Variants in SLBP observed in about 807,000 individuals in gnomAD.
The protein encoded by SLBP is stem-loop histone mRNA binding protein, also known as histone RNA hairpin-binding protein.
SLBP carries 29 observed loss-of-function variants against 39.2 expected under a neutral mutation model. That is an observed-to-expected ratio of 0.74 (90% CI 0.55 to 1.01). SLBP has a LOEUF of 1.01. SLBP is among the 50% of genes least tolerant of loss of function. The pLI is 0.00. For missense variants in SLBP, 390 were observed against 350.2 expected, an observed-to-expected ratio of 1.11 and a Z score of -0.91; for synonymous variants, 129 against 118.7, an observed-to-expected ratio of 1.09 and a Z score of -0.57.
chr4:1,694,008 G>A (rs557910768), intron 7 of SLBP, among the ~76,000 whole-genome samples: 2 of 152,212 alleles, frequency 1.3e-5, no homozygotes, highest in Non-Finnish European at 2.9e-5. Context: ...AGAAAGAATT[G>A]TAAAAGCCTA....
chr4:1,711,892 G>A lies in SLBP; in HGVS notation c.158C>T (p.Ala53Val). The A allele has an allele frequency of 7.3e-7, 1 of 1,362,814 alleles. No individual in the cohort carries two copies. Among genetic ancestry groups the A allele is most frequent in the Non-Finnish European group, 9.5e-7 (1 of 1,056,880 alleles). 84.4% of individuals were successfully genotyped at this position (1,362,814 alleles called of 1,614,324 possible). ...EDAEEAEHRG[A>V]ERRPESFTTP... ...CGCCCACCTCTCGGGTCTGCGCTCG[G>A]CGCCGCGGTGCTCTGCCTCCTCGGC... is the stretch of plus-strand genomic sequence containing the variant. The change falls in exon 2 of 8, where the codon GCC becomes GTC. Residue 53 changes from alanine to valine, a missense_variant. By Grantham distance (64) the Ala-to-Val change is moderately conservative. Coordinates refer to ENST00000489418, the MANE Select transcript of SLBP (RefSeq NM_006527.4).
intron 2 of SLBP, among the ~76,000 whole-genome samples, chr4:1,704,758 TATA>T (rs2108662472): frequency 6.6e-6 from 1 of 152,268 alleles, no homozygotes; most frequent in African/African-American, 2.4e-5. Flanking sequence ...CCTGTATCCA[TATA>T]ATAAAAGTGC....
intron 2 of SLBP, among the ~76,000 whole-genome samples, chr4:1,704,551 G>A (rs556203253): frequency 5.3e-5 from 8 of 152,200 alleles, no homozygotes; most frequent in East Asian, 1.9e-4. Flanking sequence ...AACAAAGCCC[G>A]AGTTTCACAG....
At chr4:1,700,645 A>T (rs1014861848) in intron 3 of SLBP, among the ~76,000 whole-genome samples, 1 of 151,882 alleles carries the variant, frequency 6.6e-6, no homozygotes, top group African/African-American at 2.4e-5. Flanking sequence ...CCACAGCCTC[A>T]TATTCCTGGG....
chr4:1,700,627 A>C (rs1716289942), intron 3 of SLBP, among the ~76,000 whole-genome samples: 1 of 151,968 alleles, frequency 6.6e-6, no homozygotes, highest in African/African-American at 2.4e-5. Context: ...TAGCACGATC[A>C]TGGCTTACCA....
intron 2 of SLBP, among the ~76,000 whole-genome samples, chr4:1,704,803 G>T (rs1236669186): frequency 6.6e-6 from 1 of 152,190 alleles, no homozygotes; most frequent in Admixed American, 6.5e-5. Flanking sequence ...TATCTGGCCA[G>T]TGTAGACTCC....
chr4:1,709,958 G>A (rs928554422), intron 2 of SLBP, among the ~76,000 whole-genome samples: 10 of 151,530 alleles, frequency 6.6e-5, no homozygotes, highest in South Asian at 2.1e-4. Flanking sequence ...CCGCAACTCC[G>A]GGCCTTTTGC....
At chr4:1,708,129 T>C (rs1471643832) in intron 2 of SLBP, among the ~76,000 whole-genome samples, 1 of 149,780 alleles carries the variant, frequency 6.7e-6, no homozygotes, top group African/African-American at 2.5e-5. Flanking sequence ...GGCGCATGCC[T>C]GTAGTCCCAG....
intron 6 of SLBP, among the ~76,000 whole-genome samples, chr4:1,695,744 G>A (rs1716081847): frequency 6.6e-6 from 1 of 151,630 alleles, no homozygotes; most frequent in South Asian, 2.1e-4. Flanking sequence ...TCACGCCACT[G>A]CACTCCAGCC....
At chr4:1,696,792 G>C (rs1716121596) in intron 5 of SLBP, among the ~76,000 whole-genome samples, 1 of 151,822 alleles carries the variant, frequency 6.6e-6, no homozygotes, top group Non-Finnish European at 1.5e-5. Context: ...TAGCTATTAG[G>C]GGGCTGAGGG....
rs538494249 is a variant in SLBP at position 1,711,407 on chromosome 4, G to A, written c.176+467C>T. Among the ~76,000 whole-genome samples, 22 of 152,148 alleles carry A rather than the reference G, an allele frequency of 1.4e-4. No homozygotes were observed. In the East Asian group the frequency reaches 3.9e-3, roughly 27 times the overall value. On this transcript the variant is annotated intron_variant, in intron 2 of 7. Transcript: ENST00000489418. Reference sequence around the variant, plus strand: ...CGCCACTACGACCACTGGCACCCCTGCTTATTTCCTCCAGACCCTCCTCGG... The same window carrying A: ...CGCCACTACGACCACTGGCACCCCTACTTATTTCCTCCAGACCCTCCTCGG...
chr4:1,693,677 T>A lies in SLBP; in HGVS notation c.733A>T (p.Met245Leu). The A allele has an allele frequency of 1.9e-6, 3 of 1,613,792 alleles. No individual in the cohort carries two copies. The highest frequency in any genetic ancestry group is 2.5e-6 in the Non-Finnish European group (3 of 1,179,674). The change falls in exon 8 of 8, where the codon ATG (methionine) becomes TTG (leucine). Residue 245 changes from methionine (M) to leucine (L), a missense_variant. Physicochemically the swap from Met to Leu is conservative, Grantham distance 15. Transcript: ENST00000489418. ...AACTCATCCTCCACTTGACTGTCCA[T>A]GTGTCTCACCTTGGTGGGTGTGCCA... ...YSGTPTKVRH[M>L]DSQVEDEFDL...
chr4:1,708,899 A>G (rs1025823756), intron 2 of SLBP, among the ~76,000 whole-genome samples: 3 of 152,242 alleles, frequency 2.0e-5, no homozygotes, highest in African/African-American at 7.2e-5. Context: ...TGAGGACACC[A>G]AAAACTTCCA....
intron 2 of SLBP, among the ~76,000 whole-genome samples, chr4:1,709,949 C>G (rs916673045): frequency 2.0e-5 from 3 of 151,814 alleles, no homozygotes; most frequent in Non-Finnish European, 2.9e-5. Context: ...GTGTGGAGAC[C>G]GCAACTCCGG....
chr4:1,700,229 T>TACTTCAACCACC, intron 3 of SLBP, 159 bp from the exon 4 acceptor site: 1 of 430,968 alleles, frequency 2.3e-6, no homozygotes, highest in Admixed American at 4.3e-5. Context: ...GTTTAAGTAG[T>TACTTCAACCACC]GAGATCCACA....
At chr4:1,706,909 G>A (rs978839806) in intron 2 of SLBP, among the ~76,000 whole-genome samples, 17 of 150,824 alleles carry the variant, frequency 1.1e-4, no homozygotes, top group Non-Finnish European at 1.8e-4. Context: ...GAGGTAGGTA[G>A]ATCACCTGAG....
chr4:1,695,626 CAA>C (rs1577176580), intron 6 of SLBP, among the ~76,000 whole-genome samples: 2 of 151,978 alleles, frequency 1.3e-5, no homozygotes, highest in East Asian at 3.9e-4. Context: ...ACTAAAAATA[CAA>C]AAAATAGCTG....
chr4:1,711,145 T>C (rs1716751318), intron 2 of SLBP, among the ~76,000 whole-genome samples: 1 of 138,642 alleles, frequency 7.2e-6, no homozygotes, highest in South Asian at 2.7e-4. Flanking sequence ...ACAGTGAAGT[T>C]GGGTCCGATT....
intron 5 of SLBP, among the ~76,000 whole-genome samples, chr4:1,699,164 T>C (rs1218640482): frequency 6.6e-6 from 1 of 152,180 alleles, no homozygotes; most frequent in Non-Finnish European, 1.5e-5. Context: ...GTCTGTGTGT[T>C]TGAGGGACCA....
Sources: gnomAD v4.1 joint callset for allele counts (sites outside exome capture counted in the v4.1 genomes callset) on GRCh38, gnomAD v4.1.1 for gene constraint, MANE v1.5 for transcripts, NCBI Gene and HGNC (gene_info 2026-07-23, HGNC 2026-07-21) for gene names.